SCHIP1: variants seen among roughly 807,000 people sequenced by gnomAD.
The protein encoded by SCHIP1 is schwannomin-interacting protein 1.
Under a neutral mutation model 29.7 loss-of-function variants are expected in SCHIP1, and 8 were observed. That is an observed-to-expected ratio of 0.27 (90% CI 0.16 to 0.49). SCHIP1 has a LOEUF of 0.49. Ranked by LOEUF, SCHIP1 falls within the 20% of genes least tolerant of loss-of-function variation. SCHIP1 has a pLI of 0.99. For synonymous variants in SCHIP1, 76 were observed against 94.9 expected (o/e 0.80, Z 1.16); for missense variants, 193 against 294.6 (o/e 0.66, Z 2.52).
the SCHIP1 span, among the ~76,000 whole-genome samples, chr3:159,515,158 G>A: frequency 6.6e-6 from 1 of 150,864 alleles, no homozygotes; most frequent in Admixed American, 6.6e-5. Context: ...CTTCTGTCTT[G>A]CTCCCCTTTA....
the SCHIP1 span, among the ~76,000 whole-genome samples, chr3:159,468,725 T>C: frequency 6.9e-6 from 1 of 144,748 alleles, no homozygotes; most frequent in Non-Finnish European, 1.5e-5. Flanking sequence ...GTTTTATATA[T>C]ATATATAATA....
chr3:159,694,712 A>G, the SCHIP1 span, among the ~76,000 whole-genome samples: 29 of 152,212 alleles, frequency 1.9e-4, no homozygotes, highest in Non-Finnish European at 3.5e-4. Flanking sequence ...CACTGATTCA[A>G]GAAAGGTCTT....
chr3:159,753,593 A>T, the SCHIP1 span, among the ~76,000 whole-genome samples: 1 of 151,918 alleles, frequency 6.6e-6, no homozygotes, highest in African/African-American at 2.4e-5. Flanking sequence ...ATCTACCATC[A>T]TCTCCTTCCT....
the SCHIP1 span, among the ~76,000 whole-genome samples, chr3:159,417,845 A>G: frequency 6.6e-6 from 1 of 152,206 alleles, no homozygotes; most frequent in Admixed American, 6.5e-5. Flanking sequence ...CTACTGCCAT[A>G]TTAAGAATTT....
At chr3:159,366,907 C>G in the SCHIP1 span, among the ~76,000 whole-genome samples, 1 of 152,156 alleles carries the variant, frequency 6.6e-6, no homozygotes, top group Non-Finnish European at 1.5e-5. Flanking sequence ...TCTGTGCTAT[C>G]ACTATGATTT....
At chr3:159,452,489 T>C in the SCHIP1 span, among the ~76,000 whole-genome samples, 1 of 152,240 alleles carries the variant, frequency 6.6e-6, no homozygotes, top group Non-Finnish European at 1.5e-5. Flanking sequence ...CTCATTCTTT[T>C]TTATGGCTGC....
At chr3:159,870,187 T>A (rs902338948) in intron 2 of SCHIP1, among the ~76,000 whole-genome samples, 9 of 152,034 alleles carry the variant, frequency 5.9e-5, no homozygotes, top group Non-Finnish European at 1.3e-4. Flanking sequence ...GGCAGCTTTA[T>A]TTATTCATTT....
chr3:159,316,464 G>A, the SCHIP1 span, among the ~76,000 whole-genome samples: 1 of 152,098 alleles, frequency 6.6e-6, no homozygotes, highest in African/African-American at 2.4e-5. Context: ...CAGTAGATCT[G>A]CCTTCCCCAG....
the SCHIP1 span, among the ~76,000 whole-genome samples, chr3:159,623,686 T>G: frequency 6.6e-6 from 1 of 152,160 alleles, no homozygotes; most frequent in African/African-American, 2.4e-5. Flanking sequence ...TTACATTACC[T>G]TTAGTAGGAA....
the SCHIP1 span, among the ~76,000 whole-genome samples, chr3:159,375,383 A>C: frequency 2.2e-3 from 338 of 152,338 alleles, 2 homozygotes; most frequent in African/African-American, 7.7e-3. Flanking sequence ...CCAGCTAGAG[A>C]ATACAGCATG....
the SCHIP1 span, among the ~76,000 whole-genome samples, chr3:159,575,367 T>G: frequency 2.3e-4 from 35 of 152,310 alleles, no homozygotes; most frequent in African/African-American, 7.7e-4. Context: ...TTCTCACCAT[T>G]TAGATTGAGT....
the SCHIP1 span, among the ~76,000 whole-genome samples, chr3:159,828,798 C>T: frequency 1.1e-4 from 16 of 152,088 alleles, no homozygotes; most frequent in African/African-American, 3.9e-4. Context: ...GCAAGGCTAT[C>T]TGTGCTGCTA....
chr3:159,558,359 G>C, the SCHIP1 span, among the ~76,000 whole-genome samples: 1 of 152,034 alleles, frequency 6.6e-6, no homozygotes, highest in African/African-American at 2.4e-5. Context: ...ATATTCTCTT[G>C]CTTATTGTCC....
chr3:159,470,181 T>C, the SCHIP1 span, among the ~76,000 whole-genome samples: 1 of 152,166 alleles, frequency 6.6e-6, no homozygotes, highest in Non-Finnish European at 1.5e-5. Flanking sequence ...TTATATTTCA[T>C]CATGAACTAC....
chr3:159,583,738 G>T, the SCHIP1 span, among the ~76,000 whole-genome samples: 1 of 152,096 alleles, frequency 6.6e-6, no homozygotes, highest in African/African-American at 2.4e-5. Flanking sequence ...GAATCTTTTG[G>T]CTGCTTAACC....
the SCHIP1 span, among the ~76,000 whole-genome samples, chr3:159,788,573 G>C: frequency 2.2e-4 from 33 of 152,216 alleles, no homozygotes; most frequent in South Asian, 6.9e-3. Context: ...GTATTTTCAG[G>C]TTTGGCTGAT....
chr3:159,773,994 C>G, the SCHIP1 span, among the ~76,000 whole-genome samples: 1 of 152,266 alleles, frequency 6.6e-6, no homozygotes, highest in Middle Eastern at 3.4e-3. Flanking sequence ...ACTTCTTATT[C>G]CGACTTGTAT....
chr3:159,760,189 T>C, the SCHIP1 span, among the ~76,000 whole-genome samples: 1 of 152,174 alleles, frequency 6.6e-6, no homozygotes, highest in Non-Finnish European at 1.5e-5. Flanking sequence ...ACTTGCTAAA[T>C]ATTGCTAGAC....
chr3:159,505,524 C>A, the SCHIP1 span, among the ~76,000 whole-genome samples: 2 of 152,086 alleles, frequency 1.3e-5, no homozygotes, highest in East Asian at 3.9e-4. Flanking sequence ...GCACAACGTG[C>A]AGGTTTGTTA....
Sources: allele counts gnomAD v4.1 joint callset (sites outside exome capture counted in the v4.1 genomes callset), GRCh38; gene constraint gnomAD v4.1.1; transcripts MANE v1.5; gene names NCBI Gene and HGNC (gene_info 2026-07-23, HGNC 2026-07-21).